Variants in OCRL observed in about 807,000 individuals in gnomAD.
OCRL encodes OCRL inositol polyphosphate-5-phosphatase, also known as inositol polyphosphate 5-phosphatase OCRL.
OCRL carries 8 observed loss-of-function variants against 78.9 expected under a neutral mutation model. That is an observed-to-expected ratio of 0.10 (90% confidence interval 0.06 to 0.18). The LOEUF is 0.18. Among genes scored for constraint, OCRL ranks in the 10% least tolerant of loss-of-function variants. OCRL has a pLI of 1.00. For synonymous variants in OCRL, 240 were observed against 235.4 expected (o/e 1.02, Z -0.18); for missense variants, 454 against 696.7 (o/e 0.65, Z 3.92).
At position 129,565,910 on chromosome X, in the gene OCRL, C is replaced by G. The variant is rs1936211106; in HGVS notation, c.1356+27C>G. ...TAAGTAAAGTTTCATTTTATAGGAA[C>G]TTTCCTAGATGGGAGATGAGATTGT... On this transcript the variant is annotated intron_variant, in intron 13 of 23. Coordinates refer to ENST00000371113, the MANE Select transcript of OCRL (RefSeq NM_000276.4). The G allele has an allele frequency of 4.0e-6, 4 of 998,862 alleles. 1 individual carries two copies. The Middle Eastern group carries it at 1.1e-3, about 273-fold the overall frequency. 82.3% of individuals were successfully genotyped at this position (998,862 alleles called of 1,213,427 possible). A position where few individuals can be genotyped will look rare whatever the true frequency, so the allele number is the denominator to read the frequency against.
At chrX:129,570,897 G>C (rs1819453871) in intron 15 of OCRL, among the ~76,000 whole-genome samples, 1 of 112,578 alleles carries the variant, frequency 8.9e-6, no homozygotes. Flanking sequence ...CCAACTGTGG[G>C]ACTTGAGTAT....
intron 18 of OCRL, among the ~76,000 whole-genome samples, chrX:129,577,901 A>C (rs1278576863): frequency 8.9e-6 from 1 of 111,854 alleles, no homozygotes; most frequent in Non-Finnish European, 1.9e-5. Flanking sequence ...TTGGATGATG[A>C]AGTTGTTTTT....
chrX:129,549,028 CATA>C (rs1935925808), intron 4 of OCRL, among the ~76,000 whole-genome samples: 3 of 110,595 alleles, frequency 2.7e-5, no homozygotes, highest in Non-Finnish European at 5.7e-5. Context: ...TGTGTTAAGT[CATA>C]ATATTTTCCT....
intron 22 of OCRL, chrX:129,589,599 A>G (rs1936561303): frequency 2.4e-6 from 1 of 409,966 alleles, no homozygotes; most frequent in African/African-American, 2.5e-5. Flanking sequence ...GGGTGTGCGT[A>G]TGAATGTGTG....
chrX:129,540,288 C>G lies in OCRL; in HGVS notation c.-152C>G, dbSNP rs1935766280. 1.6e-6 allele frequency: 1 copy of G among 607,664 alleles called. No homozygotes were observed. Among genetic ancestry groups the G allele is most frequent in the Non-Finnish European group, 2.6e-6 (1 of 383,125 alleles). 50.1% of individuals were successfully genotyped at this position (607,664 alleles called of 1,213,427 possible). A position where few individuals can be genotyped will look rare whatever the true frequency, so the allele number is the denominator to read the frequency against. On this transcript the variant is annotated 5_prime_UTR_variant, in exon 1 of 24. Transcript: ENST00000371113. ...CTTGGGTCAGATTCTCAGCTCCCAG[C>G]TCCCCGCTCCCGGCTCCCGGCGCCC...
intron 12 of OCRL, among the ~76,000 whole-genome samples, chrX:129,563,517 A>G (rs1044464797): frequency 8.9e-6 from 1 of 111,885 alleles, no homozygotes. Flanking sequence ...CTATTCATAT[A>G]CAAACACACA....
chrX:129,568,140 T>A (rs1936247002), intron 14 of OCRL, among the ~76,000 whole-genome samples: 1 of 109,433 alleles, frequency 9.1e-6, no homozygotes. Context: ...ATGGTCTCGA[T>A]CTCCTGACCT....
rs767335008 is a variant in OCRL, at chrX:129,591,149, A to G, written c.*879A>G. Reference sequence around the variant, plus strand: ...CTGCCTAGACATCCACCTCCAGAGCAACACTGGCCCCACAGTAAAAGAGGA... The same window carrying G: ...CTGCCTAGACATCCACCTCCAGAGCGACACTGGCCCCACAGTAAAAGAGGA... On this transcript the variant is annotated 3_prime_UTR_variant, in exon 24 of 24. Coordinates refer to ENST00000371113, the MANE Select transcript of OCRL (RefSeq NM_000276.4). The G allele has an allele frequency of 2.6e-5, 3 of 113,980 alleles. No individual in the cohort carries two copies. Among genetic ancestry groups the G allele is most frequent in the Non-Finnish European group, 5.6e-5 (3 of 53,352 alleles). 9.4% of individuals were successfully genotyped at this position (113,980 alleles called of 1,213,427 possible). A position where few individuals can be genotyped will look rare whatever the true frequency, so the allele number is the denominator to read the frequency against.
Position 129,589,971 on chromosome X carries a change from T to G in OCRL, c.2581+15T>G, listed in dbSNP as rs189613289. On this transcript the variant is annotated intron_variant, in intron 23 of 23. Coordinates refer to ENST00000371113, the MANE Select transcript of OCRL (RefSeq NM_000276.4). Reference sequence around the variant, plus strand: ...CAACATGATCGGTAAGAGTGCTTCATGCAACACGGGGCGTTTGTTGAGAAT... The same window carrying G: ...CAACATGATCGGTAAGAGTGCTTCAGGCAACACGGGGCGTTTGTTGAGAAT... The G allele has an allele frequency of 1.0e-4, 121 of 1,159,612 alleles. No individual in the cohort carries two copies. The highest frequency in any genetic ancestry group is 1.2e-4 in the Non-Finnish European group (103 of 848,868).
intron 9 of OCRL, 115 bp from the exon 10 acceptor site, chrX:129,561,064 A>G (rs547140206): frequency 3.3e-4 from 181 of 556,742 alleles, no homozygotes; most frequent in Non-Finnish European, 4.7e-4. Context: ...GAGCAGTTCT[A>G]TAAAATTTAT....
intron 18 of OCRL, among the ~76,000 whole-genome samples, chrX:129,580,144 GAAAT>G (rs1390062081): frequency 8.9e-6 from 1 of 112,517 alleles, no homozygotes; most frequent in African/African-American, 3.2e-5. Context: ...ACATGACTGA[GAAAT>G]AAGTTTAGCA....
chrX:129,540,813 G>A lies in OCRL; in HGVS notation c.109G>A (p.Gly37Arg), dbSNP rs767054196. The A allele has an allele frequency of 3.3e-5, 40 of 1,202,274 alleles. No homozygotes were observed. The South Asian group carries it at 5.7e-4, about 17-fold the overall frequency. ...CGCCCTGACCCTAGCCCAGAGGAAC[G>A]GGCAATATGAGTAAGTAACCACCTG... ...PCALTLAQRNGQYELIIQLHE... is the reference protein window; with the variant it reads ...PCALTLAQRNRQYELIIQLHE... Residue 37 changes from glycine (G) to arginine (R), a missense_variant, in exon 2 of 24, where the codon GGG becomes AGG. This residue lies in a region of OCRL where 177 missense variants were observed against 179.6 expected (regional missense o/e 0.99). Transcript: ENST00000371113.
At chrX:129,589,451 C>T (rs1213525263) in intron 22 of OCRL, 4 of 276,167 alleles carry the variant, frequency 1.4e-5, no homozygotes, top group Non-Finnish European at 2.6e-5. Flanking sequence ...AGAGGAGTCC[C>T]CATCCATGCT....
chrX:129,570,688 G>C (rs1243418430), intron 15 of OCRL, among the ~76,000 whole-genome samples: 1 of 112,424 alleles, frequency 8.9e-6, no homozygotes, highest in Admixed American at 9.4e-5. Context: ...AGCAGCTAGT[G>C]GCTGTGTGGC....
chrX:129,588,412 A>C, intron 21 of OCRL, 149 bp downstream of exon 21: 2 of 512,163 alleles, frequency 3.9e-6, no homozygotes, highest in Non-Finnish European at 6.6e-6. Context: ...CTTGTTTCTC[A>C]TTTCCTTTCA....
chrX:129,563,227 A>G (rs899707884), intron 12 of OCRL, among the ~76,000 whole-genome samples: 2 of 111,936 alleles, frequency 1.8e-5, no homozygotes, highest in African/African-American at 6.5e-5. Flanking sequence ...ACCAGTAGCC[A>G]TATATGGCTG....
intron 18 of OCRL, among the ~76,000 whole-genome samples, chrX:129,581,853 C>G (rs1478065939): frequency 1.0e-5 from 1 of 98,510 alleles, no homozygotes; most frequent in African/African-American, 3.8e-5. Context: ...CTCTCTCTCT[C>G]TCTCTCTCTC....
chrX:129,567,467 C>T, intron 14 of OCRL, 104 bp downstream of exon 14: 3 of 541,474 alleles, frequency 5.5e-6, no homozygotes, highest in Admixed American at 2.8e-5. Flanking sequence ...ATGCCATAAG[C>T]AGATATATAA....
chrX:129,573,714 C>G (rs1016450148), intron 15 of OCRL, among the ~76,000 whole-genome samples: 2 of 111,056 alleles, frequency 1.8e-5, no homozygotes, highest in Non-Finnish European at 3.8e-5. Context: ...ACCACCATGC[C>G]TGGCTAATTT....
Sources: gnomAD v4.1 joint callset for allele counts (sites outside exome capture counted in the v4.1 genomes callset) on GRCh38, gnomAD v4.1.1 for gene constraint, gnomAD v4.1.1 regional missense constraint, MANE v1.5 for transcripts, NCBI Gene and HGNC (gene_info 2026-07-23, HGNC 2026-07-21) for gene names.